RSRC1: variants seen among roughly 807,000 people sequenced by gnomAD.
RSRC1 encodes arginine and serine rich coiled-coil 1, also known as serine/Arginine-related protein 53.
In RSRC1, 39 loss-of-function variants were observed where a neutral mutation model predicts 49.1. The observed-to-expected ratio is 0.79, with a 90% CI of 0.61 to 1.04. RSRC1 has a LOEUF of 1.04. Ranked by LOEUF, RSRC1 falls within the 50% of genes least tolerant of loss-of-function variation. RSRC1 has a pLI of 0.00. For synonymous variants in RSRC1, 143 were observed against 130.8 expected (o/e 1.09, Z -0.63); for missense variants, 388 against 402.4 (o/e 0.96, Z 0.31).
At chr3:158,449,562 T>G (rs776368637) in intron 6 of RSRC1, among the ~76,000 whole-genome samples, 21 of 151,872 alleles carry the variant, frequency 1.4e-4, no homozygotes, top group Non-Finnish European at 2.7e-4. Flanking sequence ...TGGAGAATCG[T>G]GAGAAATTTG....
At chr3:158,518,817 G>A (rs1441919975) in intron 7 of RSRC1, among the ~76,000 whole-genome samples, 1 of 152,018 alleles carries the variant, frequency 6.6e-6, no homozygotes. Context: ...ACTGAATCTG[G>A]TTTTTCTACC....
chr3:158,124,065 T>G (rs1715457733), intron 3 of RSRC1, 74 bp downstream of exon 3: 17 of 1,075,582 alleles, frequency 1.6e-5, no homozygotes, highest in Non-Finnish European at 1.9e-5. Flanking sequence ...AACAATCATT[T>G]ATTTTCTTAT....
At chr3:158,132,105 T>A (rs1446566192) in intron 3 of RSRC1, 11 of 442,866 alleles carry the variant, frequency 2.5e-5, no homozygotes, top group Middle Eastern at 3.4e-4. Context: ...TACCTCAACC[T>A]CCTGGGTAGC....
intron 6 of RSRC1, among the ~76,000 whole-genome samples, chr3:158,426,690 A>ATC (rs1735464923): frequency 1.3e-5 from 2 of 151,788 alleles, no homozygotes; most frequent in Non-Finnish European, 2.9e-5. Flanking sequence ...ATATAGTGAG[A>ATC]TAGAAGTCGT....
intron 5 of RSRC1, among the ~76,000 whole-genome samples, chr3:158,336,166 C>T (rs1241003508): frequency 6.6e-6 from 1 of 152,230 alleles, no homozygotes; most frequent in East Asian, 1.9e-4. Flanking sequence ...TGCGGTTGTC[C>T]TCTGGGTAAG....
intron 6 of RSRC1, among the ~76,000 whole-genome samples, chr3:158,456,885 G>C (rs1443329771): frequency 6.6e-6 from 1 of 152,102 alleles, no homozygotes; most frequent in African/African-American, 2.4e-5. Context: ...ATACATAATA[G>C]TTGTATGAAG....
At chr3:158,245,054 G>C (rs62286900) in intron 4 of RSRC1, among the ~76,000 whole-genome samples, 1 of 116,536 alleles carries the variant, frequency 8.6e-6, no homozygotes, top group Non-Finnish European at 1.8e-5. Flanking sequence ...TTCTGATCTT[G>C]GTTATTTCTT....
intron 3 of RSRC1, among the ~76,000 whole-genome samples, chr3:158,124,715 G>A (rs138201203): frequency 7.8e-4 from 118 of 151,908 alleles, no homozygotes; most frequent in Non-Finnish European, 7.2e-4. Context: ...ATTCTTAGTA[G>A]TCTTTTATAA....
At chr3:158,490,115 C>T (rs758176726) in intron 7 of RSRC1, among the ~76,000 whole-genome samples, 57 of 152,128 alleles carry the variant, frequency 3.7e-4, no homozygotes, top group Non-Finnish European at 6.5e-4. Context: ...GACAGAGTCT[C>T]ACTCTGTCAC....
At chr3:158,320,663 A>T (rs1728707641) in intron 5 of RSRC1, among the ~76,000 whole-genome samples, 1 of 152,104 alleles carries the variant, frequency 6.6e-6, no homozygotes, top group Admixed American at 6.5e-5. Flanking sequence ...AAATTCATAG[A>T]TCCTAAAATA....
chr3:158,234,699 CT>C (rs1167074137), intron 4 of RSRC1, among the ~76,000 whole-genome samples: 1 of 152,048 alleles, frequency 6.6e-6, no homozygotes, highest in Non-Finnish European at 1.5e-5. Flanking sequence ...TTCCTCTTTT[CT>C]TCACTTAAAT....
chr3:158,380,003 A>G (rs1732616838), intron 6 of RSRC1, among the ~76,000 whole-genome samples: 1 of 151,826 alleles, frequency 6.6e-6, no homozygotes, highest in Non-Finnish European at 1.5e-5. Context: ...CTCCAGCACC[A>G]AGAACCTACA....
At chr3:158,227,410 C>A (rs1156819003) in intron 4 of RSRC1, among the ~76,000 whole-genome samples, 1 of 151,890 alleles carries the variant, frequency 6.6e-6, no homozygotes, top group Non-Finnish European at 1.5e-5. Context: ...CTCTTCCCTA[C>A]TCCTTTTCTC....
chr3:158,344,115 C>T (rs996220726), intron 5 of RSRC1, among the ~76,000 whole-genome samples: 4 of 151,946 alleles, frequency 2.6e-5, no homozygotes, highest in South Asian at 2.1e-4. Flanking sequence ...AAAAATTAGC[C>T]GGGCATGGTG....
chr3:158,489,491 GA>G (rs1364506547), intron 7 of RSRC1, among the ~76,000 whole-genome samples: 1 of 151,876 alleles, frequency 6.6e-6, no homozygotes, highest in Non-Finnish European at 1.5e-5. Flanking sequence ...ATTTTATAAA[GA>G]AAAAATGTGG....
chr3:158,390,030 G>A (rs1733183017), intron 6 of RSRC1, among the ~76,000 whole-genome samples: 1 of 152,122 alleles, frequency 6.6e-6, no homozygotes, highest in Non-Finnish European at 1.5e-5. Context: ...ATTTATTCAG[G>A]TAACAGATTT....
In RSRC1 at chr3:158,276,189, C is replaced by T. The variant is rs1461634693; in HGVS notation, c.495-21850C>T. The T allele has an allele frequency of 6.0e-6, 5 of 829,338 alleles. No homozygotes were observed. The East Asian group carries it at 1.2e-4, about 20-fold the overall frequency. 51.4% of individuals were successfully genotyped at this position (829,338 alleles called of 1,614,324 possible). ...ATGGACAGGCTTGCCATATGTTGCA[C>T]CCTTAGGAACTGGGCATTTTCGGCC... is the stretch of plus-strand genomic sequence containing the variant. On this transcript the variant is annotated intron_variant, in intron 4 of 9. Coordinates refer to ENST00000611884, the MANE Select transcript of RSRC1 (RefSeq NM_001271838.2).
chr3:158,512,448 G>T (rs1578562143), intron 7 of RSRC1, among the ~76,000 whole-genome samples: 1 of 151,468 alleles, frequency 6.6e-6, no homozygotes, highest in South Asian at 2.1e-4. Flanking sequence ...TATTTCTGAG[G>T]GCTCTGTTCT....
chr3:158,159,336 A>G (rs1718073575), intron 3 of RSRC1, among the ~76,000 whole-genome samples: 1 of 152,214 alleles, frequency 6.6e-6, no homozygotes, highest in Non-Finnish European at 1.5e-5. Context: ...TGTGATGGCC[A>G]TTCACCAAAG....
Sources: allele counts gnomAD v4.1 joint callset (sites outside exome capture counted in the v4.1 genomes callset), GRCh38; gene constraint gnomAD v4.1.1; transcripts MANE v1.5; gene names NCBI Gene and HGNC (gene_info 2026-07-23, HGNC 2026-07-21).